DOCK2: variants seen among roughly 807,000 people sequenced by gnomAD.
DOCK2 encodes the protein dedicator of cytokinesis 2.
A neutral mutation model predicts 248.9 loss-of-function variants in DOCK2; 87 were observed. The ratio of observed to expected loss-of-function variants is 0.35; its 90% CI spans 0.29 to 0.42. The LOEUF (loss-of-function observed/expected upper bound fraction) is 0.42, where lower values mean the gene tolerates loss of function less well. Among genes scored for constraint, DOCK2 ranks in the 10% least tolerant of loss-of-function variants. DOCK2 has a pLI of 1.00. For synonymous variants in DOCK2, 805 were observed against 821.6 expected (o/e 0.98, Z 0.35); for missense variants, 1,747 against 2,300.2 (o/e 0.76, Z 4.92).
intron 27 of DOCK2, among the ~76,000 whole-genome samples, chr5:169,897,573 G>A (rs1773684283): frequency 6.6e-6 from 1 of 152,220 alleles, no homozygotes; most frequent in South Asian, 2.1e-4. Context: ...TATCAAGTGG[G>A]AAGTAGGGTT....
intron 34 of DOCK2, 93 bp downstream of exon 34, chr5:170,028,041 C>A: frequency 8.6e-7 from 1 of 1,160,522 alleles, no homozygotes; most frequent in Non-Finnish European, 1.2e-6. Context: ...TGGCTCTGTC[C>A]TCCCCTGGAG....
chr5:170,014,637 T>TG (rs373273051), intron 32 of DOCK2, among the ~76,000 whole-genome samples: 45 of 19,796 alleles, frequency 2.3e-3, no homozygotes, highest in East Asian at 8.9e-3. Context: ...AGACATGTGT[T>TG]GGGGGGGGTA....
intron 6 of DOCK2, among the ~76,000 whole-genome samples, chr5:169,679,757 A>G (rs1402188253): frequency 1.3e-5 from 2 of 152,140 alleles, no homozygotes; most frequent in Non-Finnish European, 2.9e-5. Context: ...GTTGGGAGTT[A>G]ATTTCCTAAT....
intron 14 of DOCK2, among the ~76,000 whole-genome samples, chr5:169,704,763 G>A (rs1337408132): frequency 4.6e-3 from 103 of 22,164 alleles, no homozygotes; most frequent in Middle Eastern, 0.031. Flanking sequence ...ATATATATGT[G>A]TGTGTGTGTG....
rs1757895030 is a variant in DOCK2 at position 170,077,932 on chromosome 5, C to G, written c.4994+95C>G. On this transcript the variant is annotated intron_variant, in intron 48 of 51. Transcript: ENST00000520908. ...TCTTCTCCGGCAACATCCCTTCTAC[C>G]TTTCCCTTCCTCCTTTCAGTTTAAA... The G allele has an allele frequency of 4.9e-6, 5 of 1,024,074 alleles. No individual in the cohort carries two copies. The East Asian group carries it at 1.3e-4, about 26-fold the overall frequency. 63.4% of individuals were successfully genotyped at this position (1,024,074 alleles called of 1,614,324 possible). A position where few individuals can be genotyped will look rare whatever the true frequency, so the allele number is the denominator to read the frequency against.
At chr5:169,817,841 C>G (rs946489662) in intron 26 of DOCK2, among the ~76,000 whole-genome samples, 1 of 152,176 alleles carries the variant, frequency 6.6e-6, no homozygotes, top group Non-Finnish European at 1.5e-5. Flanking sequence ...AGCAGATACT[C>G]AATAATTAAT....
At chr5:169,727,572 G>C (rs551935465) in intron 22 of DOCK2, among the ~76,000 whole-genome samples, 49 of 152,302 alleles carry the variant, frequency 3.2e-4, no homozygotes, top group African/African-American at 1.1e-3. Context: ...TATCCAGGGG[G>C]ATTTTGATGT....
At chr5:170,028,156 G>A (rs569127887) in intron 34 of DOCK2, among the ~76,000 whole-genome samples, 4 of 152,336 alleles carry the variant, frequency 2.6e-5, no homozygotes, top group East Asian at 1.9e-4. Context: ...AATGGGCCAG[G>A]TGAAAAGAAT....
At chr5:169,951,128 C>T (rs1317655748) in intron 27 of DOCK2, among the ~76,000 whole-genome samples, 1 of 152,170 alleles carries the variant, frequency 6.6e-6, no homozygotes, top group Non-Finnish European at 1.5e-5. Flanking sequence ...CCTTTCCCTC[C>T]CTGGCTGCTC....
At chr5:170,016,070 C>A (rs1356811454) in intron 32 of DOCK2, among the ~76,000 whole-genome samples, 1 of 152,154 alleles carries the variant, frequency 6.6e-6, no homozygotes, top group Non-Finnish European at 1.5e-5. Context: ...CCAGAGAATT[C>A]ATGGGACCCC....
chr5:169,752,818 G>A (rs1228256238), intron 23 of DOCK2, among the ~76,000 whole-genome samples: 3 of 152,142 alleles, frequency 2.0e-5, no homozygotes, highest in African/African-American at 7.2e-5. Context: ...TGTAATCCCA[G>A]CACTTTGGGA....
At chr5:169,866,250 A>C (rs554715846) in intron 27 of DOCK2, among the ~76,000 whole-genome samples, 1 of 152,224 alleles carries the variant, frequency 6.6e-6, no homozygotes, top group South Asian at 2.1e-4. Flanking sequence ...GGCCCTCTCT[A>C]TGGGGACATA....
At chr5:170,023,050 G>A (rs555166970) in intron 33 of DOCK2, among the ~76,000 whole-genome samples, 3 of 152,306 alleles carry the variant, frequency 2.0e-5, no homozygotes, top group Admixed American at 1.3e-4. Context: ...AAGAGGGGAT[G>A]TAGGTGTTCT....
chr5:169,978,490 C>G (rs1777816369), intron 27 of DOCK2, among the ~76,000 whole-genome samples: 1 of 149,738 alleles, frequency 6.7e-6, no homozygotes, highest in Admixed American at 6.7e-5. Context: ...TTGTCAATAT[C>G]ATGATGATGA....
chr5:169,751,485 C>T (rs1763891530), intron 23 of DOCK2, among the ~76,000 whole-genome samples: 1 of 152,046 alleles, frequency 6.6e-6, no homozygotes, highest in Non-Finnish European at 1.5e-5. Flanking sequence ...ATATGAATGC[C>T]CGTGGTTGAT....
Position 170,056,787 on chromosome 5 carries a change from CT to C in DOCK2, c.4380+21del. On this transcript the variant is annotated intron_variant, in intron 43 of 51. Coordinates refer to ENST00000520908, the MANE Select transcript of DOCK2 (RefSeq NM_004946.3). Reference sequence around the variant, plus strand: ...GTTTGCTGTGAGTATCTTCCCTACCCTTGATCATTCCCTGGAGCCACCTGGA... The same window carrying C: ...GTTTGCTGTGAGTATCTTCCCTACCCTGATCATTCCCTGGAGCCACCTGGA... 1 of 1,610,022 alleles carries C rather than the reference CT, an allele frequency of 6.2e-7. No individual in the cohort carries two copies. The highest frequency in any genetic ancestry group is 1.7e-5 in the Admixed American group (1 of 59,840).
At chr5:169,957,183 A>G (rs1776904932) in intron 27 of DOCK2, among the ~76,000 whole-genome samples, 1 of 152,246 alleles carries the variant, frequency 6.6e-6, no homozygotes, top group South Asian at 2.1e-4. Context: ...TGGGTACTCA[A>G]TAAATAATGG....
Position 169,754,920 on chromosome 5 carries a change from A to ATTTATTTATTTATTTAT in DOCK2, c.2377-4783_2377-4782insTATTTATTTATTTATTT, listed in dbSNP as rs1554097250. On this transcript the variant is annotated intron_variant, in intron 23 of 51. Transcript: ENST00000520908. ...TTTCCAATAATGGTTCCTATTTTTTATTATTTATTTATTTATTTATTTATT... is the reference window on the plus strand; with the variant it reads ...TTTCCAATAATGGTTCCTATTTTTTATTTATTTATTTATTTATTTATTTATTTATTTATTTATTTATT... 4.2e-5 allele frequency among the ~76,000 whole-genome samples: 6 copies of ATTTATTTATTTATTTAT among 141,320 alleles called. 1 individual carries two copies. In the South Asian group the frequency reaches 1.4e-3, roughly 32 times the overall value. The allele number at this position is 141,320 out of a possible 152,430, so 92.7% of individuals were successfully genotyped here.
At chr5:170,044,831 C>T (rs1269303032) in intron 38 of DOCK2, among the ~76,000 whole-genome samples, 1 of 152,174 alleles carries the variant, frequency 6.6e-6, no homozygotes, top group African/African-American at 2.4e-5. Flanking sequence ...CCTACCTCCC[C>T]CAGCTTCTCC....
Sources: allele counts gnomAD v4.1 joint callset (sites outside exome capture counted in the v4.1 genomes callset), GRCh38; gene constraint gnomAD v4.1.1; transcripts MANE v1.5; gene names NCBI Gene and HGNC (gene_info 2026-07-23, HGNC 2026-07-21).